Variants in DCLRE1C observed in about 807,000 individuals in gnomAD.
DCLRE1C encodes the protein DNA cross-link repair 1C, also known as protein artemis.
DCLRE1C carries 47 observed loss-of-function variants against 61.4 expected under a neutral mutation model. That is an observed-to-expected ratio of 0.77 (90% CI 0.61 to 0.98). DCLRE1C has a LOEUF of 0.98. Among genes scored for constraint, DCLRE1C ranks in the 50% least tolerant of loss-of-function variants. The pLI is 0.00. For synonymous variants in DCLRE1C, 337 were observed against 287.6 expected (o/e 1.17, Z -1.74); for missense variants, 858 against 816.0 (o/e 1.05, Z -0.63).
chr10:14,943,794 C>T (rs1406287067), intron 3 of DCLRE1C, among the ~76,000 whole-genome samples: 1 of 152,220 alleles, frequency 6.6e-6, no homozygotes, highest in African/African-American at 2.4e-5. Context: ...GAGCTGCCCG[C>T]CTCGGCCTCC....
In DCLRE1C at chr10:14,945,327, A is replaced by G. The variant is rs371870941; in HGVS notation, c.162-138T>C. On this transcript the variant is annotated intron_variant, in intron 2 of 13. Coordinates refer to ENST00000378278, the MANE Select transcript of DCLRE1C (RefSeq NM_001033855.3). The stretch of plus-strand genomic sequence containing the variant: ...AACATGGTGAAACCCCATCCCTAAT[A>G]AAAACACAAATACTAGCCTGGCATG... The G allele has an allele frequency of 1.7e-5, 24 of 1,411,946 alleles. No individual in the cohort carries two copies. In the African/African-American group the frequency reaches 2.2e-4, roughly 13 times the overall value. The allele number at this position is 1,411,946 out of a possible 1,614,324, so 87.5% of individuals were successfully genotyped here.
intron 3 of DCLRE1C, among the ~76,000 whole-genome samples, chr10:14,940,348 G>C (rs1222454234): frequency 6.6e-6 from 1 of 150,792 alleles, no homozygotes; most frequent in Admixed American, 6.6e-5. Context: ...GAGCGCAGTG[G>C]TGTGGTATCG....
chr10:14,945,012 T>C (rs1480304768), intron 3 of DCLRE1C, 93 bp downstream of exon 3: 15 of 875,414 alleles, frequency 1.7e-5, no homozygotes, highest in Non-Finnish European at 2.7e-5. Flanking sequence ...ATAACTGAAG[T>C]ATGTTACAAA....
chr10:14,938,681 A>C (rs1300087061), intron 4 of DCLRE1C, among the ~76,000 whole-genome samples: 2 of 152,046 alleles, frequency 1.3e-5, no homozygotes, highest in African/African-American at 4.8e-5. Context: ...ATGAAAAATA[A>C]TTTTTTTCCA....
exon 14 of DCLRE1C, chr10:14,897,717 C>T (rs181593400): frequency 1.6e-5 from 6 of 379,340 alleles, no homozygotes; most frequent in South Asian, 1.3e-4. Context: ...AAAAAATATA[C>T]GTTAAAACAA....
At chr10:14,911,596 G>A (rs1011642995) in intron 13 of DCLRE1C, among the ~76,000 whole-genome samples, 4 of 152,018 alleles carry the variant, frequency 2.6e-5, no homozygotes, top group Non-Finnish European at 5.9e-5. Flanking sequence ...TGACACCAAA[G>A]CATATGCAAT....
At position 14,948,770 on chromosome 10, in the gene DCLRE1C, T is replaced by TATATATATATATA. The variant is rs1554800030; in HGVS notation, c.161+265_161+266insTATATATATATAT. ...TTTTTAGAGAGTGTATTTGGTAGGATTATATATATATATATATATATCAAG... is the reference window on the plus strand; with the variant it reads ...TTTTTAGAGAGTGTATTTGGTAGGATATATATATATATATATATATATATATATATATATCAAG... On this transcript the variant is annotated intron_variant, in intron 2 of 13. Transcript: ENST00000378278. Among the ~76,000 whole-genome samples the TATATATATATATA allele has an allele frequency of 9.6e-4, 138 of 143,678 alleles. 4 individuals carry two copies. The highest frequency in any genetic ancestry group is 3.1e-3 in the African/African-American group (119 of 38,472). 94.3% of individuals were successfully genotyped at this position (143,678 alleles called of 152,430 possible).
chr10:14,937,281 C>CTTTTTTT (rs1162058273), intron 4 of DCLRE1C, among the ~76,000 whole-genome samples: 21 of 110,592 alleles, frequency 1.9e-4, no homozygotes, highest in East Asian at 2.6e-4. Flanking sequence ...AAGCTATTTA[C>CTTTTTTT]TTTTTTTTTT....
In DCLRE1C at chr10:14,928,159, A is replaced by G. The variant is rs201695717; in HGVS notation, c.781-7T>C. ...ACTGAAAATATTCCTCTGCCTAAAA[A>G]AGATAAAAAGCATAGAAAAACAGTT... On this transcript the variant is annotated splice_region_variant and splice_polypyrimidine_tract_variant and intron_variant, in intron 9 of 13. Coordinates refer to ENST00000378278, the MANE Select transcript of DCLRE1C (RefSeq NM_001033855.3). The G allele has an allele frequency of 1.9e-6, 3 of 1,612,792 alleles. No homozygotes were observed. Among genetic ancestry groups the G allele is most frequent in the Non-Finnish European group, 2.5e-6 (3 of 1,179,136 alleles).
intron 5 of DCLRE1C, 115 bp downstream of exon 5, chr10:14,936,423 C>T (rs1839931933): frequency 3.9e-6 from 3 of 769,974 alleles, no homozygotes; most frequent in Admixed American, 2.1e-5. Flanking sequence ...ACTGGGATTA[C>T]AGACATGTGC....
chr10:14,903,316 C>T (rs41284455), downstream of DCLRE1C: 2,207 of 152,162 alleles, frequency 0.015, 38 homozygotes, highest in Middle Eastern at 0.034. Context: ...ACTTTAAGGG[C>T]GCCTGTTAGT....
chr10:14,926,405 A>T (rs1309359072), intron 11 of DCLRE1C, among the ~76,000 whole-genome samples: 1 of 152,216 alleles, frequency 6.6e-6, no homozygotes, highest in Admixed American at 6.5e-5. Context: ...CGTGTAACCC[A>T]GCACTTTGGG....
intron 13 of DCLRE1C, among the ~76,000 whole-genome samples, chr10:14,909,999 T>A (rs538026153): frequency 1.4e-3 from 216 of 152,344 alleles, no homozygotes; most frequent in African/African-American, 4.8e-3. Context: ...TTTCCCATCT[T>A]GTAACAGTAT....
chr10:14,945,138 C>T lies in DCLRE1C; in HGVS notation c.213G>A (p.Thr71=), dbSNP rs141391272. Residue 71 remains threonine (T), a synonymous_variant, in exon 3 of 14, where the codon ACG becomes ACA. Transcript: ENST00000378278. ...CSPVTKELLL[T]SPKYRFWKKR... ...TCTTCCAAAATCTGTATTTCGGGCTCGTTAACAACAACTCCTTAGTCACAG... is the reference window on the plus strand; with the variant it reads ...TCTTCCAAAATCTGTATTTCGGGCTTGTTAACAACAACTCCTTAGTCACAG... 4.3e-6 allele frequency: 7 copies of T among 1,612,764 alleles called. No individual in the cohort carries two copies. The highest frequency in any genetic ancestry group is 4.5e-5 in the East Asian group (2 of 44,816).
At position 14,920,235 on chromosome 10, in the gene DCLRE1C, C is replaced by T. The variant is rs1348667682; in HGVS notation, c.1062-403G>A. 1.7e-5 allele frequency: 7 copies of T among 411,724 alleles called. 1 individual carries two copies. Among genetic ancestry groups the T allele is most frequent in the South Asian group, 1.0e-4 (4 of 38,956 alleles). The allele number at this position is 411,724 out of a possible 1,614,324, so 25.5% of individuals were successfully genotyped here. A position where few individuals can be genotyped will look rare whatever the true frequency, so the allele number is the denominator to read the frequency against. On this transcript the variant is annotated intron_variant, in intron 12 of 13. Coordinates refer to ENST00000378278, the MANE Select transcript of DCLRE1C (RefSeq NM_001033855.3). ...GGATACAATATAACTAGCTGCTTCTCCTGCCCTGTTCAGTAGGGTTTACTT... is the reference window on the plus strand; with the variant it reads ...GGATACAATATAACTAGCTGCTTCTTCTGCCCTGTTCAGTAGGGTTTACTT...
chr10:14,942,747 C>T (rs142752882), intron 3 of DCLRE1C, among the ~76,000 whole-genome samples: 805 of 152,190 alleles, frequency 5.3e-3, no homozygotes, highest in African/African-American at 0.019. Flanking sequence ...GTTTGAACTT[C>T]GCCTTAGTGC....
intron 2 of DCLRE1C, chr10:14,947,418 A>G (rs572905871): frequency 6.6e-6 from 1 of 152,178 alleles, no homozygotes; most frequent in Non-Finnish European, 1.5e-5. Flanking sequence ...TCCCTGATCC[A>G]CAGAAACTGA....
intron 4 of DCLRE1C, among the ~76,000 whole-genome samples, chr10:14,936,853 C>T (rs61845571): frequency 0.08 from 12,249 of 152,224 alleles, 580 homozygotes; most frequent in Middle Eastern, 0.14. Flanking sequence ...AAAATGTGTG[C>T]CTGACTGTTC....
intron 4 of DCLRE1C, among the ~76,000 whole-genome samples, chr10:14,938,702 C>T (rs77424002): frequency 6.6e-6 from 1 of 152,122 alleles, no homozygotes; most frequent in Non-Finnish European, 1.5e-5. Flanking sequence ...CTTGGCAGAG[C>T]CCCTTTTCTG....
Sources: gnomAD v4.1 joint callset for allele counts (sites outside exome capture counted in the v4.1 genomes callset) on GRCh38, gnomAD v4.1.1 for gene constraint, MANE v1.5 for transcripts, NCBI Gene and HGNC (gene_info 2026-07-23, HGNC 2026-07-21) for gene names.